DUSP6: variants seen among roughly 807,000 people sequenced by gnomAD.
DUSP6 encodes dual specificity protein phosphatase 6.
DUSP6 carries 6 observed loss-of-function variants against 28.0 expected under a neutral mutation model. The ratio of observed to expected loss-of-function variants is 0.21; its 90% CI spans 0.12 to 0.42. The LOEUF is 0.42. Ranked by LOEUF, DUSP6 falls within the 10% of genes least tolerant of loss-of-function variation. DUSP6 has a pLI of 1.00. For synonymous variants in DUSP6, 252 were observed against 217.5 expected, an observed-to-expected ratio of 1.16 and a Z score of -1.40; for missense variants, 451 against 498.1, an observed-to-expected ratio of 0.91 and a Z score of 0.90.
At position 89,350,863 on chromosome 12, in the gene DUSP6, G is replaced by A. The variant is rs143567248; in HGVS notation, c.563C>T (p.Pro188Leu). Residue 188 changes from proline (P) to leucine (L), a missense_variant, in exon 2 of 3, where the codon CCC becomes CTC. Physicochemically the swap from Pro to Leu is moderately conservative, Grantham distance 98. Coordinates refer to ENST00000279488, the MANE Select transcript of DUSP6 (RefSeq NM_001946.4). ...ACCATCCGAGTCTGTTGCACTATTG[G>A]GGTCTCGGTCAAGGTCAGACTCGAT... The part of the protein sequence containing the change: ...SDIESDLDRD[P>L]NSATDSDGSP... The A allele has an allele frequency of 6.7e-5, 108 of 1,614,048 alleles. No individual in the cohort carries two copies. In the East Asian group the frequency reaches 2.2e-3, roughly 33 times the overall value.
At chr12:89,350,313 A>G (rs919674923) in intron 2 of DUSP6, among the ~76,000 whole-genome samples, 1 of 152,224 alleles carries the variant, frequency 6.6e-6, no homozygotes, top group Non-Finnish European at 1.5e-5. Flanking sequence ...CTGGGGGGAA[A>G]AATCTGTTGT....
intron 2 of DUSP6, 71 bp from the exon 3 acceptor site, chr12:89,349,632 A>G: frequency 8.1e-7 from 1 of 1,227,480 alleles, no homozygotes; most frequent in South Asian, 1.5e-5. Flanking sequence ...TCAGTCTAAA[A>G]ACTGAACTTG....
At chr12:89,350,564 G>C (rs1314395378) in intron 2 of DUSP6, 24 bp downstream of exon 2, 1 of 1,596,398 alleles carries the variant, frequency 6.3e-7, no homozygotes, top group Non-Finnish European at 8.6e-7. Flanking sequence ...AAATGTCAGA[G>C]CGACGACTAT....
In DUSP6 at chr12:89,352,229, G is replaced by A. The variant is rs1429971942; in HGVS notation, c.-190C>T. ...AAGCCGGAGGTTCTCTCTGCACCCA[G>A]CTGCAGCCGCTGGCTCTTAGTGTCA... On this transcript the variant is annotated 5_prime_UTR_variant, in exon 1 of 3. Transcript: ENST00000279488. 1.3e-6 allele frequency: 1 copy of A among 757,926 alleles called. No homozygotes were observed. The highest frequency in any genetic ancestry group is 2.1e-6 in the Non-Finnish European group (1 of 481,138). 47.0% of individuals were successfully genotyped at this position (757,926 alleles called of 1,614,324 possible).
chr12:89,349,417 G>T lies in DUSP6; in HGVS notation c.983C>A (p.Ser328Tyr). ...GAAGTTGAAGTTAGGGGATATGTTG[G>T]ATTTTTTCATTTTGACAATGTCATA... ...DAYDIVKMKKSNISPNFNFMG... is the reference protein window; with the variant it reads ...DAYDIVKMKKYNISPNFNFMG... The change falls in exon 3 of 3, where the codon TCC becomes TAC. Residue 328 changes from serine (S) to tyrosine (Y), a missense_variant. Physicochemically the swap from Ser to Tyr is moderately radical, Grantham distance 144 (BLOSUM62 -2). Transcript: ENST00000279488. 1 of 1,614,142 alleles carries T rather than the reference G, an allele frequency of 6.2e-7. No homozygotes were observed. Among genetic ancestry groups the T allele is most frequent in the Non-Finnish European group, 8.5e-7 (1 of 1,180,034 alleles).
rs1879040605 is a variant in DUSP6, at chr12:89,348,072, AAT to A, written c.*1180_*1181del. 2 of 152,666 alleles carry A rather than the reference AAT, an allele frequency of 1.3e-5. No homozygotes were observed. Among genetic ancestry groups the A allele is most frequent in the Non-Finnish European group, 2.9e-5 (2 of 68,038 alleles). 9.5% of individuals were successfully genotyped at this position (152,666 alleles called of 1,614,324 possible). ...TTAAAAACACACATTCAATAGCCAA[AAT>A]AGTTATTTATTAATAATTTAAGGTT... On this transcript the variant is annotated 3_prime_UTR_variant, in exon 3 of 3. Transcript: ENST00000279488.
rs1244742888 is a variant in DUSP6 at position 89,348,110 on chromosome 12, A to C, written c.*1144T>G. The stretch of plus-strand genomic sequence containing the variant: ...TAATAATTTAAGGTTTTACATTCTT[A>C]TAATAAATTCCAGCTCTAAACTTTA... On this transcript the variant is annotated 3_prime_UTR_variant, in exon 3 of 3. Coordinates refer to ENST00000279488, the MANE Select transcript of DUSP6 (RefSeq NM_001946.4). 1 of 152,662 alleles carries C rather than the reference A, an allele frequency of 6.6e-6. No individual in the cohort carries two copies. The highest frequency in any genetic ancestry group is 1.5e-5 in the Non-Finnish European group (1 of 68,040). 9.5% of individuals were successfully genotyped at this position (152,662 alleles called of 1,614,324 possible).
At position 89,352,464 on chromosome 12, in the gene DUSP6, C is replaced by T; in HGVS notation, c.-425G>A. 5.6e-6 allele frequency: 1 copy of T among 178,824 alleles called. No individual in the cohort carries two copies. Among genetic ancestry groups the T allele is most frequent in the Non-Finnish European group, 1.2e-5 (1 of 82,488 alleles). 11.1% of individuals were successfully genotyped at this position (178,824 alleles called of 1,614,324 possible). On this transcript the variant is annotated 5_prime_UTR_variant, in exon 1 of 3. Coordinates refer to ENST00000279488, the MANE Select transcript of DUSP6 (RefSeq NM_001946.4). ...CGATTTGCTATCTCTTGGACTCAGCCTCGCACACCCCCTGCGCGAGGCAGC... is the reference window on the plus strand; with the variant it reads ...CGATTTGCTATCTCTTGGACTCAGCTTCGCACACCCCCTGCGCGAGGCAGC...
Position 89,350,956 on chromosome 12 carries a change from C to G in DUSP6, c.470G>C (p.Ser157Thr). The change falls in exon 2 of 3, where the codon AGC becomes ACC. Residue 157 changes from serine (S) to threonine (T), a missense_variant. By Grantham distance (58) the Ser-to-Thr change is moderately conservative (BLOSUM62 1). Around this residue, in one of 2 missense-constraint regions of DUSP6, gnomAD observed 347 missense variants for 346.6 expected, o/e 1.00. Transcript: ENST00000279488. ...CAGCACTGGCAACGGCGGCGAGCTG[C>G]TGCTACACGAGCCGTCTAGATTGGT... ...CETNLDGSCS[S>T]SSPPLPVLGL... is the part of the protein sequence containing the mutation. 1 of 1,613,008 alleles carries G rather than the reference C, an allele frequency of 6.2e-7. No homozygotes were observed. The highest frequency in any genetic ancestry group is 1.1e-5 in the South Asian group (1 of 91,042).
In DUSP6 at chr12:89,350,956, C is replaced by A. The variant is rs754716559; in HGVS notation, c.470G>T (p.Ser157Ile). The change falls in exon 2 of 3, where the codon AGC becomes ATC. Residue 157 changes from serine (S) to isoleucine (I), a missense_variant. By Grantham distance (142) the Ser-to-Ile change is moderately radical. Transcript: ENST00000279488. ...CETNLDGSCS[S>I]SSPPLPVLGL... ...CAGCACTGGCAACGGCGGCGAGCTGCTGCTACACGAGCCGTCTAGATTGGT... is the reference window on the plus strand; with the variant it reads ...CAGCACTGGCAACGGCGGCGAGCTGATGCTACACGAGCCGTCTAGATTGGT... 5.0e-6 allele frequency: 8 copies of A among 1,613,008 alleles called. No individual in the cohort carries two copies. In the East Asian group the frequency reaches 1.6e-4, roughly 31 times the overall value.
Position 89,348,762 on chromosome 12 carries a change from A to C in DUSP6, c.*492T>G, listed in dbSNP as rs1482716241. On this transcript the variant is annotated 3_prime_UTR_variant, in exon 3 of 3. Coordinates refer to ENST00000279488, the MANE Select transcript of DUSP6 (RefSeq NM_001946.4). ...TGATTCAAGATCAAATATTTACAAT[A>C]ATCAAATGGAGTATCAGATTTTTTT... 1 of 153,198 alleles carries C rather than the reference A, an allele frequency of 6.5e-6. No homozygotes were observed. The highest frequency in any genetic ancestry group is 2.4e-5 in the African/African-American group (1 of 41,478). 9.5% of individuals were successfully genotyped at this position (153,198 alleles called of 1,614,324 possible). A position where few individuals can be genotyped will look rare whatever the true frequency, so the allele number is the denominator to read the frequency against.
At chr12:89,351,271 A>AT (rs1238622712) in intron 1 of DUSP6, 1 of 607,954 alleles carries the variant, frequency 1.6e-6, no homozygotes, top group Non-Finnish European at 2.8e-6. Flanking sequence ...TTTTTGGAAT[A>AT]TTTTGAGAGC....
chr12:89,349,530 C>T lies in DUSP6; in HGVS notation c.870G>A (p.Leu290=). The T allele has an allele frequency of 6.2e-7, 1 of 1,612,160 alleles. No homozygotes were observed. Among genetic ancestry groups the T allele is most frequent in the Non-Finnish European group, 8.5e-7 (1 of 1,178,336 alleles). The part of the protein sequence containing the change: ...DEARGKNCGV[L]VHCLAGISRS... ...GGCTAATGCCAGCCAAGCAATGTAC[C>T]AAGACACCACAGTTCTTGCCCCGGG... Residue 290 remains leucine, a synonymous_variant, in exon 3 of 3, where the codon TTG becomes TTA. Coordinates refer to ENST00000279488, the MANE Select transcript of DUSP6 (RefSeq NM_001946.4).
chr12:89,351,186 G>A (rs1385983578), intron 1 of DUSP6, 161 bp from the exon 2 acceptor site: 2 of 855,518 alleles, frequency 2.3e-6, no homozygotes, highest in East Asian at 2.7e-5. Context: ...GTGCACCATC[G>A]GGAATGGAAC....
chr12:89,351,796 C>G lies in DUSP6; in HGVS notation c.244G>C (p.Asp82His). The change falls in exon 1 of 3, where the codon GAC becomes CAC. Residue 82 changes from aspartate (D) to histidine (H), a missense_variant. Asp to His is a moderately conservative substitution (Grantham distance 81, BLOSUM62 -1). This residue lies in a region of DUSP6 where 347 missense variants were observed against 346.6 expected (regional missense o/e 1.00). Coordinates refer to ENST00000279488, the MANE Select transcript of DUSP6 (RefSeq NM_001946.4). ...CAGCGCCGGGTGAAGCGGTCCCGGT[C>G]CTCGCCGCGCGTGAAGAGCGCGCGC... The part of the protein sequence containing the change: ...PVRALFTRGE[D>H]RDRFTRRCGT... The G allele has an allele frequency of 6.2e-7, 1 of 1,610,550 alleles. No homozygotes were observed.
At chr12:89,351,089 G>A (rs1450753502) in intron 1 of DUSP6, 64 bp from the exon 2 acceptor site, 1 of 1,501,482 alleles carries the variant, frequency 6.7e-7, no homozygotes. Flanking sequence ...CAGCTTGTAA[G>A]AACCGCAGCC....
chr12:89,351,476 C>T, intron 1 of DUSP6, 164 bp downstream of exon 1: 2 of 1,189,718 alleles, frequency 1.7e-6, no homozygotes, highest in South Asian at 1.7e-5. Context: ...TGGTGCGGAA[C>T]GCGCGGTTCG....
At position 89,350,845 on chromosome 12, in the gene DUSP6, G is replaced by C. The variant is rs1052458627; in HGVS notation, c.581C>G (p.Ser194Trp). 1.9e-6 allele frequency: 3 copies of C among 1,613,962 alleles called. No homozygotes were observed. Among genetic ancestry groups the C allele is most frequent in the Non-Finnish European group, 2.5e-6 (3 of 1,180,012 alleles). ...LDRDPNSATD[S>W]DGSPLSNSQP... ...GCTGTTGGACAGCGGACTACCATCC[G>C]AGTCTGTTGCACTATTGGGGTCTCG... Residue 194 changes from serine (S) to tryptophan (W), a missense_variant, in exon 2 of 3, where the codon TCG (serine) becomes TGG (tryptophan). By Grantham distance (177) the Ser-to-Trp change is radical. Transcript: ENST00000279488.
rs1326474709 is a variant in DUSP6 at position 89,351,829 on chromosome 12, G to C, written c.211C>G (p.Leu71Val). 1 of 1,611,580 alleles carries C rather than the reference G, an allele frequency of 6.2e-7. No individual in the cohort carries two copies. The highest frequency in any genetic ancestry group is 1.7e-5 in the Admixed American group (1 of 59,884). The change falls in exon 1 of 3, where the codon CTG (leucine) becomes GTG (valine). Residue 71 changes from leucine to valine, a missense_variant. Leu to Val is a conservative substitution (Grantham distance 32). This residue lies in a region of DUSP6 where 347 missense variants were observed against 346.6 expected (regional missense o/e 1.00). Transcript: ENST00000279488. ...CGCGTGAAGAGCGCGCGCACCGGCAGGTTACCCTTCTGCAGGCGCCGCAGC... is the reference window on the plus strand; with the variant it reads ...CGCGTGAAGAGCGCGCGCACCGGCACGTTACCCTTCTGCAGGCGCCGCAGC... ...IMLRRLQKGN[L>V]PVRALFTRGE...
Sources: allele counts gnomAD v4.1 joint callset (sites outside exome capture counted in the v4.1 genomes callset), GRCh38; gene constraint gnomAD v4.1.1; regional missense constraint gnomAD v4.1.1; transcripts MANE v1.5; gene names NCBI Gene and HGNC (gene_info 2026-07-23, HGNC 2026-07-21).